URGCP: variants seen among roughly 807,000 people sequenced by gnomAD.
The protein encoded by URGCP is upregulator of cell proliferation, also known as up-regulator of cell proliferation.
In URGCP, 13 loss-of-function variants were observed where a neutral mutation model predicts 24.6. That is an observed-to-expected ratio of 0.53 (90% CI 0.34 to 0.84). URGCP has a LOEUF of 0.84. URGCP is among the 40% of genes least tolerant of loss of function. The pLI, the probability that URGCP is intolerant of heterozygous loss-of-function variation, is 0.01. For synonymous variants in URGCP, 444 were observed against 487.2 expected (o/e 0.91, Z 1.17); for missense variants, 899 against 1,194.3 (o/e 0.75, Z 3.64).
chr7:43,926,561 G>T, upstream of URGCP: 3 of 1,569,894 alleles, frequency 1.9e-6, no homozygotes, highest in Non-Finnish European at 2.6e-6. Context: ...CAGAAGGTAC[G>T]CACTTTCCCA....
chr7:43,907,880 A>C (rs928053472), upstream of URGCP, among the ~76,000 whole-genome samples: 1 of 152,206 alleles, frequency 6.6e-6, no homozygotes, highest in African/African-American at 2.4e-5. Context: ...AAAGAAATTC[A>C]TAACTGCTAC....
chr7:43,897,655 G>A (rs140421727), intron 1 of URGCP, among the ~76,000 whole-genome samples: 1 of 152,190 alleles, frequency 6.6e-6, no homozygotes, highest in African/African-American at 2.4e-5. Context: ...GGATGGGGTA[G>A]CCATGAAAGG....
intron 1 of URGCP, chr7:43,888,046 G>A (rs1255052062): frequency 5.9e-6 from 3 of 509,382 alleles, no homozygotes; most frequent in East Asian, 6.7e-5. Flanking sequence ...CTACAGAAAA[G>A]TATGCACAGT....
rs762773360 is a variant in URGCP, at chr7:43,878,127, C to T, written c.1336G>A (p.Val446Ile). The T allele has an allele frequency of 6.2e-7, 1 of 1,614,264 alleles. No homozygotes were observed. Among genetic ancestry groups the T allele is most frequent in the Non-Finnish European group, 8.5e-7 (1 of 1,180,054 alleles). ...GCGTGCGCCATGTCCTCCACAGATA[C>T]CCGCCTGCAGGGTGCCCGCAGCACA... ...GNVLRAPCRR[V>I]SVEDMAHAAR... The change falls in exon 6 of 6, where the codon GTA becomes ATA. Residue 446 changes from valine to isoleucine, a missense_variant. By Grantham distance (29) the Val-to-Ile change is conservative. Coordinates refer to ENST00000453200, the MANE Select transcript of URGCP (RefSeq NM_001077663.3). This position sits in a 1 kb window ranked among gnomAD's most constrained non-coding sequence, Gnocchi z 5.6.
chr7:43,876,579 G>C lies in URGCP; in HGVS notation c.*88C>G, dbSNP rs1376757435. 6.4e-6 allele frequency: 9 copies of C among 1,410,092 alleles called. No homozygotes were observed. Among genetic ancestry groups the C allele is most frequent in the Non-Finnish European group, 8.7e-6 (9 of 1,035,900 alleles). The allele number at this position is 1,410,092 out of a possible 1,614,324, so 87.3% of individuals were successfully genotyped here. Reference sequence around the variant, plus strand: ...TCGATTGGGCACCAGCCATTCTCAGGCACCAGAGCACAGCCCCACACGGGT... The same window carrying C: ...TCGATTGGGCACCAGCCATTCTCAGCCACCAGAGCACAGCCCCACACGGGT... On this transcript the variant is annotated 3_prime_UTR_variant, in exon 6 of 6. Coordinates refer to ENST00000453200, the MANE Select transcript of URGCP (RefSeq NM_001077663.3).
chr7:43,881,543 T>G (rs1377358626), intron 5 of URGCP, 116 bp downstream of exon 5: 5 of 1,202,628 alleles, frequency 4.2e-6, no homozygotes, highest in Non-Finnish European at 5.8e-6. Context: ...TAGGGCATCC[T>G]AAACCTGAGT....
At position 43,878,609 on chromosome 7, in the gene URGCP, G is replaced by A. The variant is rs201996150; in HGVS notation, c.854C>T (p.Pro285Leu). 1,119 of 1,613,868 alleles carry A rather than the reference G, an allele frequency of 6.9e-4. 1 individual carries two copies. The highest frequency in any genetic ancestry group is 9.5e-4 in the Admixed American group (57 of 60,008). ...GAAGCAGTCCCACTGCCTGTGGCCCGGGCTGAGGACGGCGTTGAGAAGCTG... is the reference window on the plus strand; with the variant it reads ...GAAGCAGTCCCACTGCCTGTGGCCCAGGCTGAGGACGGCGTTGAGAAGCTG... ...KSQLLNAVLS[P>L]GHRQWDCFWH... is the part of the protein sequence containing the mutation. The change falls in exon 6 of 6, where the codon CCG becomes CTG. Residue 285 changes from proline (P) to leucine (L), a missense_variant. Pro to Leu is a moderately conservative substitution (Grantham distance 98). Transcript: ENST00000453200. This position sits in a 1 kb window ranked among gnomAD's most constrained non-coding sequence, Gnocchi z 5.6.
intron 1 of URGCP, among the ~76,000 whole-genome samples, chr7:43,923,011 C>G (rs538689976): frequency 6.6e-6 from 1 of 151,488 alleles, no homozygotes; most frequent in Non-Finnish European, 1.5e-5. Context: ...GAAGGAGTCT[C>G]GCTCTGTTGC....
rs60736722 is a variant in URGCP at position 43,925,798 on chromosome 7, C to CTTTTTTT, written c.-116+327_-116+333dup. On this transcript the variant is annotated intron_variant, in intron 1 of 5. Transcript: ENST00000426198. The stretch of plus-strand genomic sequence containing the variant: ...TATAGGCGTGAGCCACCTCGTCTGG[C>CTTTTTTT]TTTTTTTTTTTTTTTTTCAAAAAAA... Among the ~76,000 whole-genome samples, 73 of 116,548 alleles carry CTTTTTTT rather than the reference C, an allele frequency of 6.3e-4. 3 individuals are homozygous for CTTTTTTT. The highest frequency in any genetic ancestry group is 1.8e-3 in the East Asian group (7 of 3,928). The allele number at this position is 116,548 out of a possible 152,430, so 76.5% of individuals were successfully genotyped here.
chr7:43,886,073 C>T (rs2095861630), intron 3 of URGCP, among the ~76,000 whole-genome samples: 1 of 152,200 alleles, frequency 6.6e-6, no homozygotes, highest in South Asian at 2.1e-4. Context: ...TTTTCATTTA[C>T]TATTGTTTAC....
At chr7:43,879,347 G>A (rs1023058558) in intron 5 of URGCP, 87 bp from the exon 6 acceptor site, 32 of 1,461,174 alleles carry the variant, frequency 2.2e-5, no homozygotes, top group Middle Eastern at 2.5e-4. Flanking sequence ...AGCCCAGCAG[G>A]ATGGGGAGAG....
At chr7:43,880,518 T>C (rs552981023) in intron 5 of URGCP, among the ~76,000 whole-genome samples, 2 of 152,092 alleles carry the variant, frequency 1.3e-5, no homozygotes, top group South Asian at 2.1e-4. Flanking sequence ...TCACAGCTTA[T>C]TGCAGCCTTG....
chr7:43,914,889 A>G (rs1240856229), intron 1 of URGCP, among the ~76,000 whole-genome samples: 1 of 152,200 alleles, frequency 6.6e-6, no homozygotes, highest in Non-Finnish European at 1.5e-5. Context: ...TGCACAGGGT[A>G]CTTCCCTAAA....
upstream of URGCP, among the ~76,000 whole-genome samples, chr7:43,926,714 G>C (rs181422366): frequency 2.0e-5 from 3 of 152,070 alleles, no homozygotes; most frequent in Non-Finnish European, 4.4e-5. Flanking sequence ...AGCCTGAAAA[G>C]CGAACGCAGC....
chr7:43,894,368 T>C (rs1201359673), intron 1 of URGCP, among the ~76,000 whole-genome samples: 1 of 152,202 alleles, frequency 6.6e-6, no homozygotes, highest in African/African-American at 2.4e-5. Flanking sequence ...TTTAATTTTT[T>C]GAGACACTCT....
upstream of URGCP, chr7:43,926,446 G>A: frequency 2.5e-6 from 3 of 1,220,564 alleles, no homozygotes; most frequent in Non-Finnish European, 2.1e-6. Context: ...GCGGCTCCCG[G>A]CGTGCAGCTT....
intron 1 of URGCP, chr7:43,918,706 G>T (rs2095918546): frequency 2.8e-6 from 2 of 704,108 alleles, no homozygotes; most frequent in African/African-American, 3.5e-5. Context: ...GATACCAAGA[G>T]AAATCATCAC....
chr7:43,898,304 A>C (rs1182522541), intron 1 of URGCP, among the ~76,000 whole-genome samples: 1 of 152,274 alleles, frequency 6.6e-6, no homozygotes, highest in Non-Finnish European at 1.5e-5. Flanking sequence ...ATACAAAGTT[A>C]AAATCAGTAA....
chr7:43,878,728 C>T lies in URGCP; in HGVS notation c.735G>A (p.Arg245=). The T allele has an allele frequency of 6.2e-7, 1 of 1,614,126 alleles. No homozygotes were observed. The highest frequency in any genetic ancestry group is 8.5e-7 in the Non-Finnish European group (1 of 1,180,008). ...TGTCTTCCCGGAAGCTCCCCATGCC[C>T]CTTGGGGGCTGGGACCACCATGTCC... ...IVRTWWSQPP[R]GMGSFREDSV... The change falls in exon 6 of 6, where the codon AGG becomes AGA. Residue 245 remains arginine, a synonymous_variant. Coordinates refer to ENST00000453200, the MANE Select transcript of URGCP (RefSeq NM_001077663.3). This position sits in a 1 kb window ranked among gnomAD's most constrained non-coding sequence, Gnocchi z 5.6.
Sources: gnomAD v4.1 joint callset for allele counts (sites outside exome capture counted in the v4.1 genomes callset) on GRCh38, gnomAD v4.1.1 for gene constraint, Gnocchi (gnomAD v3.1) non-coding constraint, MANE v1.5 for transcripts, NCBI Gene and HGNC (gene_info 2026-07-23, HGNC 2026-07-21) for gene names.